Variants in PACRG observed in about 807,000 individuals in gnomAD.
PACRG encodes the protein parkin coregulated gene protein.
A neutral mutation model predicts 29.7 loss-of-function variants in PACRG; 29 were observed. The ratio of observed to expected loss-of-function variants is 0.98; its 90% CI spans 0.73 to 1.33. PACRG has a LOEUF of 1.33. Ranked by LOEUF, PACRG falls within the 40% of genes most tolerant of loss-of-function variation. The pLI is 0.00. For missense variants in PACRG, 279 were observed against 316.2 expected (o/e 0.88, Z 0.89); for synonymous variants, 116 against 118.7 (o/e 0.98, Z 0.15).
intron 4 of PACRG, among the ~76,000 whole-genome samples, chr6:163,134,594 C>T (rs1816855775): frequency 6.6e-6 from 1 of 152,106 alleles, no homozygotes; most frequent in South Asian, 2.1e-4. Flanking sequence ...TTTGTAATGG[C>T]TTTTAAGGGG....
chr6:163,032,344 T>C (rs1310490416), intron 2 of PACRG, among the ~76,000 whole-genome samples: 1 of 152,188 alleles, frequency 6.6e-6, no homozygotes, highest in African/African-American at 2.4e-5. Context: ...TCTGAAAGTT[T>C]TTTCCTCTAT....
chr6:163,302,675 A>G (rs1562368331), intron 4 of PACRG, among the ~76,000 whole-genome samples: 1 of 152,200 alleles, frequency 6.6e-6, no homozygotes, highest in Non-Finnish European at 1.5e-5. Context: ...GCATCCATTA[A>G]TTCATTTTAG....
At chr6:163,257,012 T>C (rs916979027) in intron 4 of PACRG, among the ~76,000 whole-genome samples, 14 of 152,116 alleles carry the variant, frequency 9.2e-5, no homozygotes, top group African/African-American at 3.4e-4. Context: ...TGCCGCCATC[T>C]TCACGTGGTC....
At chr6:163,288,361 G>C (rs546758490) in intron 4 of PACRG, among the ~76,000 whole-genome samples, 2 of 152,140 alleles carry the variant, frequency 1.3e-5, no homozygotes, top group South Asian at 2.1e-4. Context: ...GCAAGAGCCC[G>C]ACAGGCCTGT....
intron 2 of PACRG, among the ~76,000 whole-genome samples, chr6:162,942,667 T>C (rs895112346): frequency 1.3e-5 from 2 of 152,222 alleles, no homozygotes; most frequent in African/African-American, 2.4e-5. Flanking sequence ...CCATATGTTA[T>C]AATGATACCT....
chr6:162,910,406 A>T (rs1796224956), intron 2 of PACRG, among the ~76,000 whole-genome samples: 1 of 152,198 alleles, frequency 6.6e-6, no homozygotes. Flanking sequence ...TGTCCTAATG[A>T]TTACTTTCTG....
chr6:162,936,303 CT>C (rs1798230625), intron 2 of PACRG, among the ~76,000 whole-genome samples: 2 of 152,160 alleles, frequency 1.3e-5, no homozygotes, highest in South Asian at 4.1e-4. Flanking sequence ...CAGCGAAACT[CT>C]ATCGAGTGCT....
chr6:163,179,309 C>A, intron 4 of PACRG: 1 of 453,458 alleles, frequency 2.2e-6, no homozygotes, highest in Admixed American at 2.4e-5. Flanking sequence ...CACACCTGCA[C>A]CTTGCTGAGC....
At chr6:162,934,963 T>C (rs1798127222) in intron 2 of PACRG, among the ~76,000 whole-genome samples, 1 of 152,230 alleles carries the variant, frequency 6.6e-6, no homozygotes, top group Admixed American at 6.5e-5. Flanking sequence ...ATAACATTCT[T>C]GGCTGATAGT....
chr6:163,297,022 ATCTG>A (rs2128188819), intron 4 of PACRG, among the ~76,000 whole-genome samples: 1 of 152,360 alleles, frequency 6.6e-6, no homozygotes, highest in Non-Finnish European at 1.5e-5. Flanking sequence ...TCAATTGTCG[ATCTG>A]ATTTTGCAAT....
chr6:163,157,153 A>C (rs922752035), intron 4 of PACRG, among the ~76,000 whole-genome samples: 6 of 152,192 alleles, frequency 3.9e-5, no homozygotes, highest in African/African-American at 1.4e-4. Context: ...CTACCTGTGG[A>C]GTAAAGTCCA....
At chr6:162,785,092 T>C (rs1643260444) in intron 1 of PACRG, among the ~76,000 whole-genome samples, 1 of 151,884 alleles carries the variant, frequency 6.6e-6, no homozygotes, top group Non-Finnish European at 1.5e-5. Context: ...ATATATGGCT[T>C]TCCCAGCTAA....
intron 2 of PACRG, among the ~76,000 whole-genome samples, chr6:163,013,478 C>T (rs959848171): frequency 1.3e-5 from 2 of 151,052 alleles, no homozygotes; most frequent in African/African-American, 4.8e-5. Flanking sequence ...AAATTATGCT[C>T]TGTTCGACAA....
intron 4 of PACRG, among the ~76,000 whole-genome samples, chr6:163,275,729 A>C (rs960132785): frequency 3.9e-5 from 6 of 152,208 alleles, no homozygotes; most frequent in African/African-American, 1.4e-4. Context: ...TATATTTAAA[A>C]TTCAGTAACA....
intron 4 of PACRG, among the ~76,000 whole-genome samples, chr6:163,119,236 C>A (rs765646369): frequency 1.3e-5 from 2 of 152,210 alleles, no homozygotes; most frequent in Non-Finnish European, 2.9e-5. Context: ...CAATACAGGC[C>A]ACAGCTCTTC....
At position 162,960,498 on chromosome 6, in the gene PACRG, G is replaced by A. The variant is rs145540199; in HGVS notation, c.292-101652G>A. On this transcript the variant is annotated intron_variant, in intron 2 of 4. Coordinates refer to ENST00000366888, the MANE Select transcript of PACRG (RefSeq NM_001080379.2). ...AGGCCATTATCCTAAGCAAATTAAC[G>A]CAGGAACAGAAAACCAAATACTGCA... Among the ~76,000 whole-genome samples, 1,350 of 152,212 alleles carry A rather than the reference G, an allele frequency of 8.9e-3. 20 individuals are homozygous for A. The highest frequency in any genetic ancestry group is 0.03 in the African/African-American group (1,245 of 41,536).
At chr6:162,803,229 AGAGT>A (rs901809340) in intron 1 of PACRG, among the ~76,000 whole-genome samples, 1 of 152,206 alleles carries the variant, frequency 6.6e-6, no homozygotes. Flanking sequence ...AGAAAAGAAA[AGAGT>A]GAGGGCACGA....
chr6:163,179,103 T>C, intron 4 of PACRG: 1 of 414,540 alleles, frequency 2.4e-6, no homozygotes. Flanking sequence ...GAAGCTTAGG[T>C]TTCAATGGTG....
chr6:162,989,195 A>G lies in PACRG; in HGVS notation c.292-72955A>G, dbSNP rs151122079. ...AGACCTAAGGCAAAAAGGACACTAC[A>G]GCTCTGACTTCTACAGCTGGTTAGA... is the stretch of plus-strand genomic sequence containing the variant. On this transcript the variant is annotated intron_variant, in intron 2 of 4. Coordinates refer to ENST00000366888, the MANE Select transcript of PACRG (RefSeq NM_001080379.2). Among the ~76,000 whole-genome samples the G allele has an allele frequency of 3.9e-5, 6 of 152,302 alleles. No homozygotes were observed. The East Asian group carries it at 1.2e-3, about 29-fold the overall frequency.
Sources: allele counts gnomAD v4.1 joint callset (sites outside exome capture counted in the v4.1 genomes callset), GRCh38; gene constraint gnomAD v4.1.1; transcripts MANE v1.5; gene names NCBI Gene and HGNC (gene_info 2026-07-23, HGNC 2026-07-21).